The following THOC7 variants were observed in gnomAD, a reference collection of about 807,000 sequenced individuals.
THOC7 encodes THO complex subunit 7.
THOC7 carries 22 observed loss-of-function variants against 33.1 expected under a neutral mutation model. The observed-to-expected ratio is 0.66, with a 90% CI of 0.47 to 0.95. The LOEUF is 0.95. Among genes scored for constraint, THOC7 ranks in the 40% least tolerant of loss-of-function variants. The probability of loss-of-function intolerance (pLI) is 0.00; values close to 1 mark genes in which losing one functional copy is unlikely to be tolerated. For synonymous variants in THOC7, 77 were observed against 76.8 expected, an observed-to-expected ratio of 1.00 and a Z score of -0.01; for missense variants, 184 against 245.3, an observed-to-expected ratio of 0.75 and a Z score of 1.67.
intron 1 of THOC7, among the ~76,000 whole-genome samples, chr3:63,843,065 G>A (rs1701801867): frequency 6.6e-6 from 1 of 151,948 alleles, no homozygotes; most frequent in Non-Finnish European, 1.5e-5. Flanking sequence ...GGAATTACAG[G>A]CATGAGCCTC....
intron 1 of THOC7, among the ~76,000 whole-genome samples, chr3:63,848,137 C>T (rs1001875658): frequency 2.0e-5 from 3 of 152,142 alleles, no homozygotes; most frequent in Admixed American, 1.3e-4. Flanking sequence ...AAAAATGGCC[C>T]TGCAAAGTTG....
At chr3:63,853,838 G>A (rs1046813594) in intron 1 of THOC7, among the ~76,000 whole-genome samples, 1 of 151,866 alleles carries the variant, frequency 6.6e-6, no homozygotes, top group Non-Finnish European at 1.5e-5. Context: ...AACCCGGGAG[G>A]TGGAGCTTGC....
chr3:63,854,823 A>C (rs1251608843), intron 1 of THOC7: 1 of 152,052 alleles, frequency 6.6e-6, no homozygotes. Flanking sequence ...CCCGGCTAAA[A>C]CGCTGAAACC....
At chr3:63,846,236 C>T (rs763188506) in intron 1 of THOC7, 128 of 451,322 alleles carry the variant, frequency 2.8e-4, no homozygotes, top group Admixed American at 4.1e-4. Context: ...AGCAGTTAAA[C>T]AGTTTCCTTA....
intron 1 of THOC7, chr3:63,861,538 G>C (rs1230740978): frequency 6.6e-6 from 1 of 152,208 alleles, no homozygotes; most frequent in Non-Finnish European, 1.5e-5. Flanking sequence ...AGAAGTAGCA[G>C]ACACAGGACG....
intron 1 of THOC7, among the ~76,000 whole-genome samples, chr3:63,853,451 A>T (rs1702055492): frequency 6.6e-6 from 1 of 152,210 alleles, no homozygotes; most frequent in South Asian, 2.1e-4. Flanking sequence ...GCATGTGTGT[A>T]TATTCACGTA....
chr3:63,855,097 T>C (rs1474535782), intron 1 of THOC7, among the ~76,000 whole-genome samples: 1 of 152,190 alleles, frequency 6.6e-6, no homozygotes, highest in Non-Finnish European at 1.5e-5. Flanking sequence ...TAGAGTATAC[T>C]GTCTATGAGG....
chr3:63,845,196 G>T, intron 1 of THOC7: 1 of 481,776 alleles, frequency 2.1e-6, no homozygotes, highest in Non-Finnish European at 3.7e-6. Context: ...TAAGCTCGCT[G>T]ATATCTTTGG....
At chr3:63,834,904 A>G (rs936805928) in intron 7 of THOC7, among the ~76,000 whole-genome samples, 13 of 152,148 alleles carry the variant, frequency 8.5e-5, no homozygotes, top group African/African-American at 9.7e-5. Flanking sequence ...AAAGATTCCA[A>G]ATCTATCATC....
chr3:63,860,839 A>G (rs774749357), intron 1 of THOC7: 2 of 152,222 alleles, frequency 1.3e-5, no homozygotes, highest in African/African-American at 2.4e-5. Context: ...TAAGGGTGAC[A>G]GCAGCAATAT....
intron 1 of THOC7, among the ~76,000 whole-genome samples, chr3:63,842,674 C>T (rs1417903988): frequency 1.3e-5 from 2 of 151,838 alleles, no homozygotes; most frequent in African/African-American, 4.8e-5. Context: ...TACAGAGTGA[C>T]ATAATGGACT....
intron 1 of THOC7, among the ~76,000 whole-genome samples, chr3:63,857,806 A>G (rs1274108289): frequency 1.3e-5 from 2 of 152,234 alleles, no homozygotes; most frequent in Non-Finnish European, 2.9e-5. Flanking sequence ...AATGCAAAAC[A>G]TCATGTTGAG....
intron 4 of THOC7, among the ~76,000 whole-genome samples, chr3:63,836,715 AAATAC>A (rs1261300710): frequency 6.6e-6 from 1 of 152,032 alleles, no homozygotes; most frequent in African/African-American, 2.4e-5. Flanking sequence ...AAATAAAATA[AAATAC>A]AATCAGTGAA....
At chr3:63,849,710 A>G (rs1701983111) in intron 1 of THOC7, among the ~76,000 whole-genome samples, 1 of 152,238 alleles carries the variant, frequency 6.6e-6, no homozygotes, top group African/African-American at 2.4e-5. Flanking sequence ...TACGTTAAAA[A>G]AAGTTATAGT....
At chr3:63,853,203 A>G (rs972069911) in intron 1 of THOC7, among the ~76,000 whole-genome samples, 1 of 151,492 alleles carries the variant, frequency 6.6e-6, no homozygotes, top group Non-Finnish European at 1.5e-5. Flanking sequence ...AAGGCAGGTT[A>G]GGACTGAGCA....
chr3:63,864,430 G>A (rs1702340107), upstream of THOC7: 1 of 152,168 alleles, frequency 6.6e-6, no homozygotes, highest in Non-Finnish European at 1.5e-5. Flanking sequence ...CACGCGCGCT[G>A]GGGCGGGTCT....
At chr3:63,853,907 C>G (rs534372659) in intron 1 of THOC7, among the ~76,000 whole-genome samples, 1,850 of 71,960 alleles carry the variant, frequency 0.026, 40 homozygotes, top group African/African-American at 0.081. Flanking sequence ...GACTCCGTCT[C>G]AAAAAAAAAA....
At chr3:63,848,136 C>T (rs1478910978) in intron 1 of THOC7, among the ~76,000 whole-genome samples, 1 of 152,068 alleles carries the variant, frequency 6.6e-6, no homozygotes, top group Non-Finnish European at 1.5e-5. Flanking sequence ...TAAAAATGGC[C>T]CTGCAAAGTT....
intron 1 of THOC7, among the ~76,000 whole-genome samples, chr3:63,859,735 C>T (rs9848808): frequency 0.025 from 3,861 of 152,342 alleles, 116 homozygotes; most frequent in East Asian, 0.12. Flanking sequence ...CAGGACCTCG[C>T]ATTGTGCCTA....
Sources: gnomAD v4.1 joint callset for allele counts (sites outside exome capture counted in the v4.1 genomes callset) on GRCh38, gnomAD v4.1.1 for gene constraint, MANE v1.5 for transcripts, NCBI Gene and HGNC (gene_info 2026-07-23, HGNC 2026-07-21) for gene names.